Variants in TBC1D8 observed in about 807,000 individuals in gnomAD.
TBC1D8 encodes BUB2-like protein 1.
TBC1D8 carries 65 observed loss-of-function variants against 118.8 expected under a neutral mutation model. That is an observed-to-expected ratio of 0.55 (90% CI 0.45 to 0.67). TBC1D8 has a LOEUF of 0.67. Among genes scored for constraint, TBC1D8 ranks in the 30% least tolerant of loss-of-function variants. TBC1D8 has a pLI of 0.00. For missense variants in TBC1D8, 1,376 were observed against 1,471.2 expected (o/e 0.94, Z 1.06); for synonymous variants, 566 against 595.8 (o/e 0.95, Z 0.73).
At chr2:101,014,044 A>G (rs1450982337) in intron 17 of TBC1D8, among the ~76,000 whole-genome samples, 3 of 152,220 alleles carry the variant, frequency 2.0e-5, no homozygotes, top group Admixed American at 6.5e-5. Flanking sequence ...CTACTGTAAG[A>G]AAAATCACTT....
Position 101,040,291 on chromosome 2 carries a change from A to T in TBC1D8, c.967T>A (p.Trp323Arg). The T allele has an allele frequency of 6.2e-7, 1 of 1,614,052 alleles. No individual in the cohort carries two copies. The highest frequency in any genetic ancestry group is 8.5e-7 in the Non-Finnish European group (1 of 1,179,902). Residue 323 changes from tryptophan to arginine, a missense_variant, in exon 6 of 20, where the codon TGG becomes AGG. Trp to Arg is a moderately radical substitution (Grantham distance 101). Coordinates refer to ENST00000409318, the MANE Select transcript of TBC1D8 (RefSeq NM_001330348.2). ...KLHAVVDCSL[W>R]TPFSRCHTTG... ...GTGTGACAGCGACTGAACGGCGTCC[A>T]GAGCGAACAGTCCACAACCGCGTGC... is the stretch of plus-strand genomic sequence containing the variant.
chr2:101,040,156 G>A, intron 6 of TBC1D8, 22 bp downstream of exon 6: 1 of 1,608,128 alleles, frequency 6.2e-7, no homozygotes, highest in Non-Finnish European at 8.5e-7. Context: ...GCTTCGGGAA[G>A]CAGACAGTAG....
chr2:101,104,518 G>A (rs1443147055), intron 1 of TBC1D8, among the ~76,000 whole-genome samples: 1 of 152,176 alleles, frequency 6.6e-6, no homozygotes, highest in Non-Finnish European at 1.5e-5. Context: ...GATTAGATAT[G>A]TAAGTCAATA....
intron 1 of TBC1D8, among the ~76,000 whole-genome samples, chr2:101,126,694 A>ATAAATGTT (rs1223316647): frequency 2.0e-5 from 3 of 152,254 alleles, no homozygotes; most frequent in Admixed American, 6.5e-5. Flanking sequence ...CTAATAAGCA[A>ATAAATGTT]TAAATGTTTC....
intron 2 of TBC1D8, among the ~76,000 whole-genome samples, chr2:101,086,773 C>T (rs562036370): frequency 2.0e-5 from 3 of 152,196 alleles, no homozygotes; most frequent in East Asian, 3.9e-4. Context: ...TTAAAAAAAT[C>T]GCAAAAAAAT....
intron 17 of TBC1D8, among the ~76,000 whole-genome samples, chr2:101,011,821 T>A (rs1046880165): frequency 6.6e-6 from 1 of 152,134 alleles, no homozygotes; most frequent in Admixed American, 6.5e-5. Flanking sequence ...TAATACTGAT[T>A]TGGAAAAAAT....
At chr2:101,065,538 T>A (rs1029004720) in intron 2 of TBC1D8, among the ~76,000 whole-genome samples, 2 of 152,256 alleles carry the variant, frequency 1.3e-5, no homozygotes, top group African/African-American at 4.8e-5. Context: ...AAGTGGATAC[T>A]GTAACATCTA....
chr2:101,033,848 T>G (rs547919245), intron 9 of TBC1D8, 90 bp from the exon 10 acceptor site: 1 of 1,415,460 alleles, frequency 7.1e-7, no homozygotes, highest in African/African-American at 1.4e-5. Flanking sequence ...GGGACCCCAG[T>G]GGGGTCTCGT....
intron 2 of TBC1D8, among the ~76,000 whole-genome samples, chr2:101,071,199 A>G (rs1421767482): frequency 2.0e-5 from 3 of 151,998 alleles, no homozygotes; most frequent in East Asian, 1.9e-4. Context: ...AAAATTAGCC[A>G]GGTGTGGTGG....
Position 101,011,458 on chromosome 2 carries a change from T to A in TBC1D8, c.2910A>T (p.Lys970Asn). Residue 970 changes from lysine to asparagine, a missense_variant, in exon 18 of 20, where the codon AAA (lysine) becomes AAT (asparagine). Coordinates refer to ENST00000409318, the MANE Select transcript of TBC1D8 (RefSeq NM_001330348.2). Reference sequence around the variant, plus strand: ...ATGAAAAGAGGTACGTGCCATTGGGTTTCCCGAAAACCAGGGGTCTCGATG... The same window carrying A: ...ATGAAAAGAGGTACGTGCCATTGGGATTCCCGAAAACCAGGGGTCTCGATG... ...LSTSRPLVFG[K>N]PNGDAVDYQK... 1 of 1,613,822 alleles carries A rather than the reference T, an allele frequency of 6.2e-7. No individual in the cohort carries two copies. The highest frequency in any genetic ancestry group is 2.2e-5 in the East Asian group (1 of 44,876).
chr2:101,068,531 T>G (rs985450747), intron 2 of TBC1D8: 1 of 512,436 alleles, frequency 2.0e-6, no homozygotes, highest in South Asian at 1.9e-5. Flanking sequence ...AGTGGTGGTA[T>G]GTAAACCCAA....
chr2:101,026,014 A>G (rs1279925062), intron 15 of TBC1D8, among the ~76,000 whole-genome samples: 1 of 152,204 alleles, frequency 6.6e-6, no homozygotes, highest in Admixed American at 6.5e-5. Context: ...AAGGATAAAA[A>G]CAGGAAACAA....
intron 1 of TBC1D8, among the ~76,000 whole-genome samples, chr2:101,136,848 A>AT (rs1678872544): frequency 6.6e-6 from 1 of 152,200 alleles, no homozygotes; most frequent in South Asian, 2.1e-4. Context: ...CAAAACAGCA[A>AT]TATAACAGAT....
At chr2:101,137,403 C>T (rs1386106306) in intron 1 of TBC1D8, among the ~76,000 whole-genome samples, 3 of 152,088 alleles carry the variant, frequency 2.0e-5, no homozygotes, top group Non-Finnish European at 4.4e-5. Context: ...AGCTCCGCCT[C>T]CCGGGTTCAC....
intron 17 of TBC1D8, among the ~76,000 whole-genome samples, chr2:101,016,270 A>C (rs1679628672): frequency 6.6e-6 from 1 of 152,244 alleles, no homozygotes; most frequent in African/African-American, 2.4e-5. Context: ...AAAGGATATG[A>C]ACAGACACTT....
intron 19 of TBC1D8, among the ~76,000 whole-genome samples, chr2:101,008,882 T>C (rs973247612): frequency 6.6e-6 from 1 of 152,054 alleles, no homozygotes; most frequent in East Asian, 1.9e-4. Flanking sequence ...GAGTTTATAA[T>C]AGGAAAATGC....
intron 16 of TBC1D8, 39 bp from the exon 17 acceptor site, chr2:101,021,785 T>C (rs374078737): frequency 1.1e-5 from 14 of 1,311,506 alleles, no homozygotes; most frequent in Non-Finnish European, 6.5e-6. Context: ...ATGCCAATGC[T>C]GAAAGTCCAT....
At chr2:101,058,288 C>T (rs1482817628) in intron 3 of TBC1D8, among the ~76,000 whole-genome samples, 5 of 152,110 alleles carry the variant, frequency 3.3e-5, no homozygotes, top group African/African-American at 1.2e-4. Context: ...ACCCCCAGTC[C>T]CCAAAGGAAA....
At chr2:101,027,989 G>A (rs1202405842) in intron 14 of TBC1D8, 59 bp downstream of exon 14, 15 of 1,473,150 alleles carry the variant, frequency 1.0e-5, no homozygotes, top group Admixed American at 3.5e-5. Context: ...AAAAGGATGC[G>A]CACTCCCAGG....
Sources: allele counts gnomAD v4.1 joint callset (sites outside exome capture counted in the v4.1 genomes callset), GRCh38; gene constraint gnomAD v4.1.1; transcripts MANE v1.5; gene names NCBI Gene and HGNC (gene_info 2026-07-23, HGNC 2026-07-21).